The following NRG1 variants were observed in gnomAD, a reference collection of about 807,000 sequenced individuals.
NRG1 encodes pro-neuregulin-1, membrane-bound isoform.
A neutral mutation model predicts 63.8 loss-of-function variants in NRG1; 18 were observed. The ratio of observed to expected loss-of-function variants is 0.28; its 90% CI spans 0.19 to 0.42. The LOEUF is 0.42. Ranked by LOEUF, NRG1 falls within the 10% of genes least tolerant of loss-of-function variation. The pLI, the probability that NRG1 is intolerant of heterozygous loss-of-function variation, is 1.00. For synonymous variants in NRG1, 302 were observed against 301.3 expected (o/e 1.00, Z -0.02); for missense variants, 762 against 814.7 (o/e 0.94, Z 0.79).
intron 1 of NRG1, among the ~76,000 whole-genome samples, chr8:32,048,422 T>C (rs1821395116): frequency 7.0e-6 from 1 of 143,772 alleles, no homozygotes; most frequent in Non-Finnish European, 1.5e-5. Flanking sequence ...TATATGTACA[T>C]GCATATGTAC....
chr8:31,690,361 G>A (rs1809370452), intron 1 of NRG1, among the ~76,000 whole-genome samples: 2 of 152,162 alleles, frequency 1.3e-5, no homozygotes, highest in African/African-American at 4.8e-5. Flanking sequence ...CGCTTCATTA[G>A]GAAGATGCTA....
intron 1 of NRG1, among the ~76,000 whole-genome samples, chr8:31,797,433 T>A (rs1821332709): frequency 6.6e-6 from 1 of 152,186 alleles, no homozygotes; most frequent in South Asian, 2.1e-4. Flanking sequence ...TTCTACTCAT[T>A]ATCCAGCCCC....
At chr8:32,366,046 A>G (rs1423451658) in intron 1 of NRG1, among the ~76,000 whole-genome samples, 1 of 152,184 alleles carries the variant, frequency 6.6e-6, no homozygotes, top group Non-Finnish European at 1.5e-5. Flanking sequence ...TTGCTCCTCA[A>G]AACTCTTATT....
At chr8:32,051,564 G>T (rs1372690739) in intron 1 of NRG1, among the ~76,000 whole-genome samples, 1 of 152,152 alleles carries the variant, frequency 6.6e-6, no homozygotes, top group Admixed American at 6.6e-5. Context: ...GGGAAGAAAG[G>T]GTAAGGAAGT....
At chr8:31,929,061 C>A (rs1834653393) in intron 1 of NRG1, among the ~76,000 whole-genome samples, 1 of 152,156 alleles carries the variant, frequency 6.6e-6, no homozygotes, top group Non-Finnish European at 1.5e-5. Flanking sequence ...ACTCCACAGC[C>A]ATGCAAGTTT....
At chr8:31,821,711 T>A (rs917062704) in intron 1 of NRG1, among the ~76,000 whole-genome samples, 5 of 152,172 alleles carry the variant, frequency 3.3e-5, no homozygotes, top group African/African-American at 1.2e-4. Flanking sequence ...ACTCAGAGTC[T>A]GATGTACTTG....
intron 5 of NRG1, among the ~76,000 whole-genome samples, chr8:32,718,194 C>T (rs1819732349): frequency 6.6e-6 from 1 of 152,142 alleles, no homozygotes; most frequent in Non-Finnish European, 1.5e-5. Flanking sequence ...CCTCTGTTAA[C>T]ATGATGAGTG....
At chr8:31,779,423 G>A (rs141675649) in intron 1 of NRG1, among the ~76,000 whole-genome samples, 1 of 151,686 alleles carries the variant, frequency 6.6e-6, no homozygotes, top group East Asian at 1.9e-4. Context: ...GTGTCACAAG[G>A]CATTGAAAAC....
intron 1 of NRG1, among the ~76,000 whole-genome samples, chr8:31,836,867 C>T (rs1460348390): frequency 6.6e-6 from 1 of 152,008 alleles, no homozygotes; most frequent in African/African-American, 2.4e-5. Flanking sequence ...AAATTGCTCT[C>T]CATAGAGTCA....
intron 1 of NRG1, among the ~76,000 whole-genome samples, chr8:31,742,698 C>T (rs1815420757): frequency 6.6e-6 from 1 of 151,700 alleles, no homozygotes; most frequent in South Asian, 2.1e-4. Context: ...ATGAGATTAC[C>T]TATAAGTAGC....
At chr8:32,424,900 AAAAC>A (rs1196450313) in intron 1 of NRG1, among the ~76,000 whole-genome samples, 1 of 152,076 alleles carries the variant, frequency 6.6e-6, no homozygotes, top group Non-Finnish European at 1.5e-5. Flanking sequence ...AACAAACAAA[AAAAC>A]AAAAAAAATT....
intron 1 of NRG1, among the ~76,000 whole-genome samples, chr8:32,480,537 C>T (rs1298603789): frequency 6.6e-6 from 1 of 151,404 alleles, no homozygotes; most frequent in African/African-American, 2.4e-5. Context: ...TGTTAATTAG[C>T]TTGATTTAAC....
chr8:32,756,640 T>G, intron 9 of NRG1, 111 bp downstream of exon 9: 1 of 1,405,398 alleles, frequency 7.1e-7, no homozygotes, highest in Non-Finnish European at 9.4e-7. Context: ...TTAATCACCA[T>G]GGCTTCCAGG....
chr8:32,240,466 C>G (rs1196179573), intron 1 of NRG1, among the ~76,000 whole-genome samples: 1 of 152,160 alleles, frequency 6.6e-6, no homozygotes, highest in Non-Finnish European at 1.5e-5. Flanking sequence ...GGTGAGGAAG[C>G]TATTCTGTAT....
chr8:32,510,771 T>G (rs1003458902), intron 1 of NRG1, among the ~76,000 whole-genome samples: 1 of 151,980 alleles, frequency 6.6e-6, no homozygotes, highest in African/African-American at 2.4e-5. Flanking sequence ...TTTTCAGTAA[T>G]CCGGAAGATG....
intron 1 of NRG1, among the ~76,000 whole-genome samples, chr8:32,014,812 G>A (rs775766541): frequency 6.6e-6 from 1 of 150,406 alleles, no homozygotes; most frequent in Non-Finnish European, 1.5e-5. Context: ...ATCTTAAGAT[G>A]AGGTGATTAG....
chr8:32,477,296 G>A (rs944991409), intron 1 of NRG1, among the ~76,000 whole-genome samples: 3 of 152,098 alleles, frequency 2.0e-5, no homozygotes, highest in South Asian at 2.1e-4. Context: ...AGAGTTCATC[G>A]TATTCGCCTC....
chr8:31,739,279 T>C (rs1215830793), intron 1 of NRG1, among the ~76,000 whole-genome samples: 2 of 152,186 alleles, frequency 1.3e-5, no homozygotes, highest in East Asian at 3.9e-4. Context: ...TCATGCTTGG[T>C]ACATTCATGG....
At chr8:31,683,017 T>C (rs546998739) in intron 1 of NRG1, among the ~76,000 whole-genome samples, 3 of 152,180 alleles carry the variant, frequency 2.0e-5, no homozygotes, top group Non-Finnish European at 4.4e-5. Flanking sequence ...TTTTGAAATA[T>C]ACCAGAGCAT....
Sources: gnomAD v4.1 joint callset for allele counts (sites outside exome capture counted in the v4.1 genomes callset) on GRCh38, gnomAD v4.1.1 for gene constraint, MANE v1.5 for transcripts, NCBI Gene and HGNC (gene_info 2026-07-23, HGNC 2026-07-21) for gene names.